CCSER1: variants seen among roughly 807,000 people sequenced by gnomAD.
The protein encoded by CCSER1 is coiled-coil serine rich protein 1, also known as serine-rich coiled-coil domain-containing protein 1.
Under a neutral mutation model 82.0 loss-of-function variants are expected in CCSER1, and 41 were observed. That is an observed-to-expected ratio of 0.50 (90% confidence interval 0.39 to 0.65). The LOEUF (loss-of-function observed/expected upper bound fraction) is 0.65, where lower values mean the gene tolerates loss of function less well. CCSER1 is among the 30% of genes least tolerant of loss of function. The pLI is 0.00. For missense variants in CCSER1, 1,119 were observed against 1,064.2 expected (o/e 1.05, Z -0.72); for synonymous variants, 414 against 383.9 (o/e 1.08, Z -0.92).
intron 10 of CCSER1, among the ~76,000 whole-genome samples, chr4:91,455,668 A>T (rs1051373236): frequency 7.2e-5 from 11 of 152,088 alleles, no homozygotes; most frequent in African/African-American, 2.4e-4. Flanking sequence ...AGACGCCCCC[A>T]ACCAGACTGA....
intron 7 of CCSER1, among the ~76,000 whole-genome samples, chr4:90,789,627 T>C (rs1028913618): frequency 6.6e-6 from 1 of 152,152 alleles, no homozygotes. Context: ...TCTTTTCCTG[T>C]GCTGTTCTTG....
intron 1 of CCSER1, among the ~76,000 whole-genome samples, chr4:90,171,068 T>C (rs1211655897): frequency 6.6e-6 from 1 of 151,828 alleles, no homozygotes; most frequent in East Asian, 1.9e-4. Context: ...ATTGTGACTT[T>C]TATGCATTTA....
At chr4:91,217,738 A>G (rs1247469674) in intron 10 of CCSER1, among the ~76,000 whole-genome samples, 3 of 151,990 alleles carry the variant, frequency 2.0e-5, no homozygotes, top group Non-Finnish European at 2.9e-5. Flanking sequence ...CCTGAGCTAG[A>G]CATAAAGGTT....
intron 8 of CCSER1, chr4:90,838,999 G>A (rs749542256): frequency 6.2e-7 from 1 of 1,612,566 alleles, no homozygotes; most frequent in African/African-American, 1.3e-5. Context: ...TCGGCTTATC[G>A]AATTTCTCGA....
chr4:91,114,924 G>C (rs1726413532), intron 10 of CCSER1, among the ~76,000 whole-genome samples: 1 of 152,122 alleles, frequency 6.6e-6, no homozygotes, highest in Non-Finnish European at 1.5e-5. Flanking sequence ...AATTAATGTA[G>C]TCATGGAAAC....
intron 10 of CCSER1, among the ~76,000 whole-genome samples, chr4:91,224,495 T>C (rs1737996923): frequency 6.6e-6 from 1 of 152,138 alleles, no homozygotes; most frequent in Non-Finnish European, 1.5e-5. Flanking sequence ...GTGCTATTAG[T>C]CATATGTGGT....
At chr4:90,241,084 G>C (rs1746747222) in intron 1 of CCSER1, among the ~76,000 whole-genome samples, 1 of 152,208 alleles carries the variant, frequency 6.6e-6, no homozygotes, top group Non-Finnish European at 1.5e-5. Flanking sequence ...ATAGCACATA[G>C]TTCATTTCAC....
intron 6 of CCSER1, among the ~76,000 whole-genome samples, 172 bp from the exon 7 acceptor site, chr4:90,723,742 A>G (rs1743122120): frequency 6.6e-6 from 1 of 151,996 alleles, no homozygotes; most frequent in Non-Finnish European, 1.5e-5. Context: ...TTTCTGTATA[A>G]GGAATGATTT....
chr4:90,732,399 G>A (rs1208141158), intron 7 of CCSER1, among the ~76,000 whole-genome samples: 2 of 152,094 alleles, frequency 1.3e-5, no homozygotes, highest in South Asian at 2.1e-4. Context: ...TGTGAACAGA[G>A]GACATGTATG....
chr4:91,295,156 T>G (rs1000498102), intron 10 of CCSER1, among the ~76,000 whole-genome samples: 1 of 151,914 alleles, frequency 6.6e-6, no homozygotes, highest in Non-Finnish European at 1.5e-5. Flanking sequence ...AGTGAGAAAA[T>G]ATGATTTAAG....
intron 5 of CCSER1, among the ~76,000 whole-genome samples, chr4:90,579,540 G>A (rs1240064635): frequency 6.6e-6 from 1 of 152,100 alleles, no homozygotes; most frequent in Non-Finnish European, 1.5e-5. Flanking sequence ...TCCACTTCAT[G>A]TAGTATCCAT....
chr4:91,058,190 C>T (rs2148727219), intron 9 of CCSER1, among the ~76,000 whole-genome samples: 1 of 152,106 alleles, frequency 6.6e-6, no homozygotes, highest in Non-Finnish European at 1.5e-5. Context: ...TGAGAAGCTC[C>T]AGTGTGTGTT....
intron 4 of CCSER1, chr4:90,403,889 G>C (rs1388008763): frequency 6.6e-6 from 1 of 152,190 alleles, no homozygotes; most frequent in South Asian, 2.1e-4. Flanking sequence ...ACAGAGCAGG[G>C]TGTGGAGACT....
chr4:90,457,352 C>T (rs72885029), intron 4 of CCSER1, among the ~76,000 whole-genome samples: 11,645 of 152,212 alleles, frequency 0.077, 599 homozygotes, highest in African/African-American at 0.13. Flanking sequence ...CTCCTCTTCT[C>T]GTGCTCACAA....
At chr4:91,494,889 A>G (rs144128121) in intron 10 of CCSER1, among the ~76,000 whole-genome samples, 1 of 151,882 alleles carries the variant, frequency 6.6e-6, no homozygotes, top group Non-Finnish European at 1.5e-5. Context: ...ATTTTATGTC[A>G]TTAATTTTAT....
intron 10 of CCSER1, among the ~76,000 whole-genome samples, chr4:91,235,792 AATAAAT>A (rs1443097350): frequency 6.6e-6 from 1 of 152,174 alleles, no homozygotes; most frequent in African/African-American, 2.4e-5. Context: ...AACTATAGAA[AATAAAT>A]ATAATTATGT....
At chr4:90,931,194 C>A (rs530822212) in intron 9 of CCSER1, among the ~76,000 whole-genome samples, 437 of 151,102 alleles carry the variant, frequency 2.9e-3, no homozygotes, top group Non-Finnish European at 5.2e-3. Context: ...CACACACACA[C>A]AAATAAGACA....
intron 1 of CCSER1, among the ~76,000 whole-genome samples, chr4:90,292,836 G>T (rs1388995149): frequency 1.3e-4 from 20 of 151,306 alleles, no homozygotes; most frequent in Admixed American, 1.3e-3. Flanking sequence ...GATTTTTATT[G>T]TCAGGTATCT....
intron 6 of CCSER1, among the ~76,000 whole-genome samples, chr4:90,666,254 T>C (rs892648285): frequency 1.3e-5 from 2 of 152,212 alleles, no homozygotes; most frequent in Non-Finnish European, 2.9e-5. Context: ...GTTAACTGAT[T>C]AGTAATTTGA....
Sources: gnomAD v4.1 joint callset for allele counts (sites outside exome capture counted in the v4.1 genomes callset) on GRCh38, gnomAD v4.1.1 for gene constraint, MANE v1.5 for transcripts, NCBI Gene and HGNC (gene_info 2026-07-23, HGNC 2026-07-21) for gene names.